PTPRE: variants seen among roughly 807,000 people sequenced by gnomAD.
PTPRE encodes receptor-type tyrosine-protein phosphatase epsilon.
PTPRE carries 51 observed loss-of-function variants against 102.0 expected under a neutral mutation model. The ratio of observed to expected loss-of-function variants is 0.50; its 90% CI spans 0.40 to 0.63. The LOEUF is 0.63. Among genes scored for constraint, PTPRE ranks in the 30% least tolerant of loss-of-function variants. PTPRE has a pLI of 0.00. For missense variants in PTPRE, 752 were observed against 915.1 expected (o/e 0.82, Z 2.30); for synonymous variants, 345 against 348.2 (o/e 0.99, Z 0.10).
Position 127,993,604 on chromosome 10 carries a change from G to C in PTPRE, c.-8+11308G>C, listed in dbSNP as rs145497592. ...AGGGGATGAACAGGCGTGGAAGAAGGGGGAGTAGGGAGAAGACAGTTGTAT... is the reference window on the plus strand; with the variant it reads ...AGGGGATGAACAGGCGTGGAAGAAGCGGGAGTAGGGAGAAGACAGTTGTAT... On this transcript the variant is annotated intron_variant, in intron 2 of 20. Coordinates refer to ENST00000254667, the MANE Select transcript of PTPRE (RefSeq NM_006504.6). 6.4e-3 allele frequency among the ~76,000 whole-genome samples: 968 copies of C among 152,304 alleles called. 8 individuals carry two copies. The highest frequency in any genetic ancestry group is 9.6e-3 in the Non-Finnish European group (652 of 68,022).
At chr10:127,921,383 A>G (rs1846591272) in intron 1 of PTPRE, among the ~76,000 whole-genome samples, 1 of 152,146 alleles carries the variant, frequency 6.6e-6, no homozygotes, top group Admixed American at 6.5e-5. Context: ...AGTGATGCCT[A>G]TGTGTGGAAG....
chr10:127,981,490 G>T (rs1385785458), intron 1 of PTPRE, among the ~76,000 whole-genome samples: 1 of 150,090 alleles, frequency 6.7e-6, no homozygotes, highest in Non-Finnish European at 1.5e-5. Flanking sequence ...CAATAAAACT[G>T]TTTTTTTTTA....
chr10:128,051,219 C>T (rs1848539971), intron 6 of PTPRE, among the ~76,000 whole-genome samples: 2 of 152,174 alleles, frequency 1.3e-5, no homozygotes, highest in Non-Finnish European at 2.9e-5. Context: ...GTGTCTGAGT[C>T]AGAACCAGCT....
chr10:127,973,230 G>A (rs1199182886), intron 1 of PTPRE, among the ~76,000 whole-genome samples: 1 of 152,132 alleles, frequency 6.6e-6, no homozygotes, highest in Non-Finnish European at 1.5e-5. Context: ...GGAAAAAATA[G>A]GTGCTTGTCC....
chr10:127,927,769 G>T (rs1845518567), intron 1 of PTPRE, among the ~76,000 whole-genome samples: 1 of 152,084 alleles, frequency 6.6e-6, no homozygotes, highest in Non-Finnish European at 1.5e-5. Context: ...ATTTTTGAGT[G>T]GGTAGTTTAG....
At chr10:128,062,969 C>A (rs1564947638) in intron 9 of PTPRE, 114 bp from the exon 10 acceptor site, 1 of 1,508,268 alleles carries the variant, frequency 6.6e-7, no homozygotes, top group African/African-American at 1.4e-5. Flanking sequence ...CCCCAACAAG[C>A]CTGAGAAGGG....
chr10:128,037,426 A>T (rs1847309091), intron 2 of PTPRE, among the ~76,000 whole-genome samples: 1 of 152,208 alleles, frequency 6.6e-6, no homozygotes, highest in Non-Finnish European at 1.5e-5. Context: ...TCCTTGGCAC[A>T]TGGCCTTGTC....
intron 1 of PTPRE, among the ~76,000 whole-genome samples, chr10:127,917,652 G>T (rs941331067): frequency 5.9e-5 from 9 of 152,102 alleles, no homozygotes; most frequent in Admixed American, 6.5e-5. Context: ...GTGACAGAGC[G>T]AGAACCTGTC....
At position 128,044,264 on chromosome 10, in the gene PTPRE, AT is replaced by A. The variant is rs1218424507; in HGVS notation, c.110-3125del. Among the ~76,000 whole-genome samples, 7 of 152,332 alleles carry A rather than the reference AT, an allele frequency of 4.6e-5. No homozygotes were observed. The South Asian group carries it at 6.2e-4, about 14-fold the overall frequency. ...CTTGAGTGAGCCACATCTTTTCAGT[AT>A]GGACTTGCTCCGCCTCTAGGGCCCC... is the stretch of plus-strand genomic sequence containing the variant. On this transcript the variant is annotated intron_variant, in intron 3 of 20. Coordinates refer to ENST00000254667, the MANE Select transcript of PTPRE (RefSeq NM_006504.6).
At chr10:128,048,031 G>A (rs934068955) in intron 5 of PTPRE, among the ~76,000 whole-genome samples, 194 bp downstream of exon 5, 3 of 152,082 alleles carry the variant, frequency 2.0e-5, no homozygotes, top group Non-Finnish European at 4.4e-5. Context: ...TTTTTCTCTC[G>A]GGTGTGACAT....
At chr10:128,061,042 C>CCAG in intron 8 of PTPRE, 27 bp downstream of exon 8, 1 of 1,606,084 alleles carries the variant, frequency 6.2e-7, no homozygotes, top group Non-Finnish European at 8.5e-7. Flanking sequence ...TTCTTGTTCC[C>CCAG]CTGGCCCAGC....
At chr10:128,081,436 A>C (rs2096285) in intron 20 of PTPRE, among the ~76,000 whole-genome samples, 16 of 152,018 alleles carry the variant, frequency 1.1e-4, no homozygotes, top group South Asian at 2.1e-4. Context: ...AGTACACTTC[A>C]TCCATCACTG....
chr10:127,940,100 G>A lies in PTPRE; in HGVS notation c.-31+32791G>A, dbSNP rs79221513. On this transcript the variant is annotated intron_variant, in intron 1 of 20. Coordinates refer to ENST00000254667, the MANE Select transcript of PTPRE (RefSeq NM_006504.6). ...GGTAAGAGGAGCCAGGTGCGGGCAG[G>A]TGCAGGCAGATGTGAGCAGGTGGAG... 7.1e-4 allele frequency among the ~76,000 whole-genome samples: 108 copies of A among 151,806 alleles called. 1 individual carries two copies. The East Asian group carries it at 0.015, about 21-fold the overall frequency.
intron 1 of PTPRE, among the ~76,000 whole-genome samples, chr10:127,914,051 A>T (rs1468628987): frequency 6.6e-6 from 1 of 152,138 alleles, no homozygotes. Context: ...CCTCATGATT[A>T]CTAGCGCCAT....
chr10:127,973,448 G>A (rs1850913372), intron 1 of PTPRE, among the ~76,000 whole-genome samples: 1 of 152,046 alleles, frequency 6.6e-6, no homozygotes, highest in Non-Finnish European at 1.5e-5. Context: ...ATTTTATAGG[G>A]ATTCTTATTT....
intron 2 of PTPRE, among the ~76,000 whole-genome samples, chr10:128,026,835 A>C (rs1846323334): frequency 6.6e-6 from 1 of 152,226 alleles, no homozygotes; most frequent in South Asian, 2.1e-4. Flanking sequence ...ACAAATTTTT[A>C]CCATTAAGGG....
In PTPRE at chr10:128,070,828, C is replaced by T. The variant is rs1176474209; in HGVS notation, c.1314C>T (p.Ile438=). 5 of 1,613,940 alleles carry T rather than the reference C, an allele frequency of 3.1e-6. No homozygotes were observed. The highest frequency in any genetic ancestry group is 4.2e-6 in the Non-Finnish European group (5 of 1,179,818). The change falls in exon 15 of 21, where the codon ATC becomes ATT. Residue 438 remains isoleucine, a synonymous_variant. Coordinates refer to ENST00000254667, the MANE Select transcript of PTPRE (RefSeq NM_006504.6). This position sits in a 1 kb window ranked among gnomAD's most constrained non-coding sequence, Gnocchi z 4.8. ...TGCAGAAATTGACAAATGTCCGGAT[C>T]ATGAAGGAGAACATGAGGACGGGCA... ...EEFRKLTNVR[I]MKENMRTGNL... is the part of the protein sequence containing the mutation.
chr10:127,908,460 G>A (rs1845647376), intron 1 of PTPRE, among the ~76,000 whole-genome samples: 1 of 152,116 alleles, frequency 6.6e-6, no homozygotes, highest in South Asian at 2.1e-4. Flanking sequence ...GGGGTGTGGA[G>A]GGTCGTTTCC....
chr10:128,036,003 G>A (rs1019894584), intron 2 of PTPRE, among the ~76,000 whole-genome samples: 1 of 152,160 alleles, frequency 6.6e-6, no homozygotes, highest in Admixed American at 6.5e-5. Flanking sequence ...ATCTCAGGTC[G>A]CTCAACCTCA....
Sources: allele counts gnomAD v4.1 joint callset (sites outside exome capture counted in the v4.1 genomes callset), GRCh38; gene constraint gnomAD v4.1.1; non-coding constraint Gnocchi (gnomAD v3.1); transcripts MANE v1.5; gene names NCBI Gene and HGNC (gene_info 2026-07-23, HGNC 2026-07-21).